ZFP62: variants seen among roughly 807,000 people sequenced by gnomAD.
ZFP62 encodes ZFP62 zinc finger protein.
In ZFP62, 44 loss-of-function variants were observed where a neutral mutation model predicts 56.4. The observed-to-expected ratio is 0.78, with a 90% confidence interval of 0.61 to 1.00. The LOEUF (loss-of-function observed/expected upper bound fraction) is 1.00, where lower values mean the gene tolerates loss of function less well. ZFP62 is among the 50% of genes least tolerant of loss of function. ZFP62 has a pLI of 0.00. For synonymous variants in ZFP62, 421 were observed against 388.9 expected, an observed-to-expected ratio of 1.08 and a Z score of -0.97; for missense variants, 1,030 against 1,085.7, an observed-to-expected ratio of 0.95 and a Z score of 0.72.
rs142067208 is a variant in ZFP62 at position 180,855,540 on chromosome 5, A to G, written c.2-4047T>C. Among the ~76,000 whole-genome samples the G allele has an allele frequency of 1.2e-3, 185 of 152,024 alleles. 1 individual carries two copies. The highest frequency in any genetic ancestry group is 4.1e-3 in the African/African-American group (169 of 41,438). On this transcript the variant is annotated intron_variant, in intron 1 of 1. Transcript: ENST00000502412. ...TCCTGGCTCCACATATTCCCCTGGG[A>G]GCCCTCATGGCTCCCAGCACTCCCA...
At position 180,848,583 on chromosome 5, in the gene ZFP62, T is replaced by G; in HGVS notation, c.*209A>C. 7.8e-7 allele frequency: 1 copy of G among 1,277,554 alleles called. No homozygotes were observed. The highest frequency in any genetic ancestry group is 9.9e-7 in the Non-Finnish European group (1 of 1,013,270). The allele number at this position is 1,277,554 out of a possible 1,614,324, so 79.1% of individuals were successfully genotyped here. On this transcript the variant is annotated 3_prime_UTR_variant, in exon 2 of 2. Transcript: ENST00000502412. ...CTAAGTTTTTCTCTCAAGTATGGAC[T>G]GTTTTATATCCTGTAAGAGCTGAAC...
At chr5:180,857,848 G>A (rs543879240) in intron 1 of ZFP62, among the ~76,000 whole-genome samples, 6 of 151,010 alleles carry the variant, frequency 4.0e-5, no homozygotes, top group South Asian at 2.1e-4. Flanking sequence ...AAATGGCATG[G>A]AATCTGGAAT....
chr5:180,829,435 G>A, the ZFP62 span, among the ~76,000 whole-genome samples: 5 of 152,190 alleles, frequency 3.3e-5, no homozygotes, highest in South Asian at 4.1e-4. Context: ...CTGGTTTTAC[G>A]GCTCAGGTGA....
At chr5:180,857,497 T>G (rs369427763) in intron 1 of ZFP62, among the ~76,000 whole-genome samples, 1 of 152,094 alleles carries the variant, frequency 6.6e-6, no homozygotes, top group Non-Finnish European at 1.5e-5. Context: ...GAACTTTTGT[T>G]TTTTTTTTGT....
At position 180,848,894 on chromosome 5, in the gene ZFP62, A is replaced by G. The variant is rs1263697846; in HGVS notation, c.2601T>C (p.Ser867=). The change falls in exon 2 of 2, where the codon TCT becomes TCC. Residue 867 remains serine, a synonymous_variant. Coordinates refer to ENST00000502412, the MANE Select transcript of ZFP62 (RefSeq NM_001172638.2). Reference sequence around the variant, plus strand: ...AACTTCCCACATATATCACATTTAAAGATTCCTCTCCAGTATGGGTTCTTT... The same window carrying G: ...AACTTCCCACATATATCACATTTAAGGATTCCTCTCCAGTATGGGTTCTTT... ...KHKRTHTGEE[S]LNVIYVGSYS... The G allele has an allele frequency of 6.4e-7, 1 of 1,551,674 alleles. No individual in the cohort carries two copies. The highest frequency in any genetic ancestry group is 8.7e-7 in the Non-Finnish European group (1 of 1,146,978).
chr5:180,836,256 CAG>C, the ZFP62 span, among the ~76,000 whole-genome samples: 1 of 152,228 alleles, frequency 6.6e-6, no homozygotes, highest in African/African-American at 2.4e-5. Context: ...GCTTAAGTAA[CAG>C]AAATTTATTT....
At chr5:180,846,527 C>T (rs1773416845), downstream of ZFP62, among the ~76,000 whole-genome samples, 1 of 152,216 alleles carries the variant, frequency 6.6e-6, no homozygotes, top group Non-Finnish European at 1.5e-5. Flanking sequence ...TTCCTGCCCA[C>T]ACATCAGCCC....
chr5:180,851,189 T>G lies in ZFP62; in HGVS notation c.306A>C (p.Thr102=), dbSNP rs1481117194. The G allele has an allele frequency of 1.3e-6, 2 of 1,551,608 alleles. No homozygotes were observed. Among genetic ancestry groups the G allele is most frequent in the Non-Finnish European group, 1.7e-6 (2 of 1,147,006 alleles). ...TCTGTCCTATAGGCATAGTCTGGTG[T>G]GTGATATGCTGTGGGCTCAGATGCA... ...KSLHLSPQHI[T]HQTMPIGQRG... The change falls in exon 2 of 2, where the codon ACA becomes ACC. Residue 102 remains threonine, a synonymous_variant. Coordinates refer to ENST00000502412, the MANE Select transcript of ZFP62 (RefSeq NM_001172638.2).
the ZFP62 span, among the ~76,000 whole-genome samples, chr5:180,841,613 G>C: frequency 3.9e-5 from 6 of 152,172 alleles, no homozygotes; most frequent in Non-Finnish European, 5.9e-5. Flanking sequence ...TCAGATGGAA[G>C]AAATCTAATG....
At chr5:180,854,557 A>C (rs866298740) in intron 1 of ZFP62, among the ~76,000 whole-genome samples, 10 of 151,694 alleles carry the variant, frequency 6.6e-5, no homozygotes, top group African/African-American at 2.4e-5. Context: ...GCATGGTCTT[A>C]AATATTTATA....
In ZFP62 at chr5:180,849,899, G is replaced by C. The variant is rs957274637; in HGVS notation, c.1596C>G (p.Pro532=). The change falls in exon 2 of 2, where the codon CCC becomes CCG. Residue 532 remains proline, a synonymous_variant. Transcript: ENST00000502412. ...CTTTACCACACTCATCACACCCAAAGGGTTTTTCCCTGGTATGAATCCTTT... is the reference window on the plus strand; with the variant it reads ...CTTTACCACACTCATCACACCCAAACGGTTTTTCCCTGGTATGAATCCTTT... The part of the protein sequence containing the change: ...QHKRIHTREK[P]FGCDECGKAF... 2 of 1,551,626 alleles carry C rather than the reference G, an allele frequency of 1.3e-6. No homozygotes were observed. The highest frequency in any genetic ancestry group is 1.7e-6 in the Non-Finnish European group (2 of 1,146,982).
Position 180,851,184 on chromosome 5 carries a change from T to TG in ZFP62, c.310dup (p.Gln104ProfsTer11). The TG allele has an allele frequency of 6.4e-7, 1 of 1,551,742 alleles. No homozygotes were observed. The highest frequency in any genetic ancestry group is 2.4e-5 in the East Asian group (1 of 40,924). On this transcript the variant is annotated frameshift_variant, in exon 2 of 2. Coordinates refer to ENST00000502412, the MANE Select transcript of ZFP62 (RefSeq NM_001172638.2). LOFTEE classifies it high-confidence loss of function. ...GCCTCTCTGTCCTATAGGCATAGTC[T>TG]GGTGTGTGATATGCTGTGGGCTCAG... is the stretch of plus-strand genomic sequence containing the variant.
Position 180,848,940 on chromosome 5 carries a change from C to T in ZFP62, c.2555G>A (p.Arg852Lys). The T allele has an allele frequency of 1.9e-6, 3 of 1,551,738 alleles. No individual in the cohort carries two copies. Among genetic ancestry groups the T allele is most frequent in the Non-Finnish European group, 1.7e-6 (2 of 1,146,992 alleles). ...CNECGKAFNIRSNLTKHKRTH... is the reference protein window; with the variant it reads ...CNECGKAFNIKSNLTKHKRTH... ...TCTTTTATGCTTGGTGAGATTTGAT[C>T]TGATATTAAAAGCCTTACCACACTC... The change falls in exon 2 of 2, where the codon AGA becomes AAA. Residue 852 changes from arginine to lysine, a missense_variant. Transcript: ENST00000502412.
At chr5:180,846,113 C>T (rs1239702750), downstream of ZFP62, among the ~76,000 whole-genome samples, 1 of 152,190 alleles carries the variant, frequency 6.6e-6, no homozygotes, top group Non-Finnish European at 1.5e-5. Flanking sequence ...CTCAGCCGCA[C>T]CAGTTCATTG....
At chr5:180,845,625 G>C (rs535567747), downstream of ZFP62, 55 of 735,800 alleles carry the variant, frequency 7.5e-5, no homozygotes, top group African/African-American at 9.7e-4. Context: ...CATGTCTCTA[G>C]GCCTTTAGCT....
chr5:180,837,074 ATGAAGCTTC>A, the ZFP62 span, among the ~76,000 whole-genome samples: 1 of 152,218 alleles, frequency 6.6e-6, no homozygotes, highest in African/African-American at 2.4e-5. Flanking sequence ...TCCCAGAGCA[ATGAAGCTTC>A]TGCTAACTCA....
rs1773636148 is a variant in ZFP62, at chr5:180,850,494, T to C, written c.1001A>G (p.Asp334Gly). 3 of 1,552,538 alleles carry C rather than the reference T, an allele frequency of 1.9e-6. No individual in the cohort carries two copies. The highest frequency in any genetic ancestry group is 2.6e-6 in the Non-Finnish European group (3 of 1,147,468). ...LLNHKSIHFG[D>G]KPYKCDECEK... ...ACACTCATCACATTTATAGGGTTTA[T>C]CTCCAAAGTGGATGCTTTTATGGTT... The change falls in exon 2 of 2, where the codon GAT becomes GGT. Residue 334 changes from aspartate to glycine, a missense_variant. By Grantham distance (94) the Asp-to-Gly change is moderately conservative. Transcript: ENST00000502412.
chr5:180,851,572 C>T (rs993287323), intron 1 of ZFP62, 79 bp from the exon 2 acceptor site: 3 of 1,404,938 alleles, frequency 2.1e-6, no homozygotes, highest in South Asian at 1.5e-5. Flanking sequence ...CAATGAACAA[C>T]ATTCACTTGA....
chr5:180,836,505 T>C, the ZFP62 span, among the ~76,000 whole-genome samples: 1 of 152,212 alleles, frequency 6.6e-6, no homozygotes, highest in Non-Finnish European at 1.5e-5. Context: ...GTCTTTGCAT[T>C]CAGGGCCCCT....
Sources: gnomAD v4.1 joint callset for allele counts (sites outside exome capture counted in the v4.1 genomes callset) on GRCh38, gnomAD v4.1.1 for gene constraint, MANE v1.5 for transcripts, NCBI Gene and HGNC (gene_info 2026-07-23, HGNC 2026-07-21) for gene names.